PCBP3: variants seen among roughly 807,000 people sequenced by gnomAD.
PCBP3 encodes poly(rC) binding protein 3.
In PCBP3, 25 loss-of-function variants were observed where a neutral mutation model predicts 52.7. The observed-to-expected ratio is 0.47, with a 90% CI of 0.35 to 0.66. The LOEUF is 0.66. PCBP3 is among the 30% of genes least tolerant of loss of function. PCBP3 has a pLI of 0.01. For missense variants in PCBP3, 391 were observed against 490.3 expected (o/e 0.80, Z 1.91); for synonymous variants, 162 against 183.0 (o/e 0.89, Z 0.93).
intron 4 of PCBP3, among the ~76,000 whole-genome samples, chr21:45,779,927 G>T (rs1315345965): frequency 6.6e-6 from 1 of 152,172 alleles, no homozygotes. Flanking sequence ...TAGACAAGTA[G>T]ATCAGTGGAT....
At chr21:45,657,505 A>G (rs1241240272) in intron 1 of PCBP3, among the ~76,000 whole-genome samples, 1 of 152,222 alleles carries the variant, frequency 6.6e-6, no homozygotes, top group East Asian at 1.9e-4. Flanking sequence ...CCATGGACCT[A>G]TATGTCTCTC....
chr21:45,837,128 G>A lies in PCBP3; in HGVS notation c.-125-12833G>A, dbSNP rs911843874. On this transcript the variant is annotated intron_variant, in intron 4 of 17. Coordinates refer to ENST00000681687, the MANE Select transcript of PCBP3 (RefSeq NM_001384156.1). This position sits in a 1 kb window ranked among gnomAD's most constrained non-coding sequence, Gnocchi z 4.1. The stretch of plus-strand genomic sequence containing the variant: ...ACCATGTCAGTTTTTGTTTCAAAGC[G>A]CGGGTACCAATTCCCATCCCCCAGC... Among the ~76,000 whole-genome samples, 3 of 152,204 alleles carry A rather than the reference G, an allele frequency of 2.0e-5. No homozygotes were observed. The highest frequency in any genetic ancestry group is 1.9e-4 in the East Asian group (1 of 5,198).
chr21:45,759,694 G>A (rs928917923), intron 4 of PCBP3: 6 of 152,250 alleles, frequency 3.9e-5, no homozygotes, highest in African/African-American at 1.4e-4. Flanking sequence ...TCCAGAAAGA[G>A]AAGGGGGGAC....
chr21:45,789,563 C>T (rs1050069722), intron 4 of PCBP3, among the ~76,000 whole-genome samples: 4 of 152,208 alleles, frequency 2.6e-5, no homozygotes, highest in East Asian at 3.9e-4. Flanking sequence ...AGGAGCAATC[C>T]GGGCAGAGGA....
intron 7 of PCBP3, 137 bp downstream of exon 7, chr21:45,899,759 C>T: frequency 1.5e-6 from 1 of 668,096 alleles, no homozygotes. Context: ...TCCATGAAGA[C>T]AGGACCCCAG....
At chr21:45,855,773 G>A (rs1002792280) in intron 5 of PCBP3, among the ~76,000 whole-genome samples, 2 of 152,266 alleles carry the variant, frequency 1.3e-5, no homozygotes, top group Non-Finnish European at 2.9e-5. Context: ...CACAGAACGC[G>A]CTGCAGAGGT....
At chr21:45,793,620 TGTGAGGACCG>T (rs1470944015) in intron 4 of PCBP3, among the ~76,000 whole-genome samples, 1 of 152,088 alleles carries the variant, frequency 6.6e-6, no homozygotes, top group Admixed American at 6.5e-5. Flanking sequence ...TGCCAGGACC[TGTGAGGACCG>T]AGTTTCAGAT....
chr21:45,691,474 GTGTA>G (rs1363222869), intron 2 of PCBP3, among the ~76,000 whole-genome samples: 5 of 142,578 alleles, frequency 3.5e-5, no homozygotes, highest in Admixed American at 7.0e-5. Context: ...GTGTGTGTGT[GTGTA>G]TATACATCAC....
At chr21:45,697,648 G>A (rs764250451) in intron 2 of PCBP3, among the ~76,000 whole-genome samples, 19 of 151,850 alleles carry the variant, frequency 1.3e-4, no homozygotes, top group Non-Finnish European at 2.4e-4. Flanking sequence ...GGAAGGCTGA[G>A]ATGGGAGGAT....
At chr21:45,780,679 A>G (rs1031058464) in intron 4 of PCBP3, among the ~76,000 whole-genome samples, 1 of 152,198 alleles carries the variant, frequency 6.6e-6, no homozygotes, top group African/African-American at 2.4e-5. Flanking sequence ...GCATGAAGCA[A>G]TGGAAGCATT....
chr21:45,814,142 T>G (rs1397404517), intron 4 of PCBP3, among the ~76,000 whole-genome samples: 1 of 152,264 alleles, frequency 6.6e-6, no homozygotes, highest in African/African-American at 2.4e-5. Flanking sequence ...GGCAATTGTG[T>G]GTTTAAACAC....
chr21:45,834,381 T>C (rs1234822521), intron 4 of PCBP3, among the ~76,000 whole-genome samples: 1 of 152,172 alleles, frequency 6.6e-6, no homozygotes, highest in Non-Finnish European at 1.5e-5. Flanking sequence ...CTGACCGAAA[T>C]TTGTGATTAG....
At chr21:45,874,668 G>A (rs949564667) in intron 5 of PCBP3, among the ~76,000 whole-genome samples, 13 of 151,966 alleles carry the variant, frequency 8.6e-5, no homozygotes, top group African/African-American at 1.2e-4. Flanking sequence ...CACCACGCCC[G>A]GCTACTTTTT....
chr21:45,899,639 T>C lies in PCBP3; in HGVS notation c.189+17T>C. On this transcript the variant is annotated intron_variant, in intron 7 of 17. Transcript: ENST00000681687. ...ATCGGGAAGGTAATTATTGATTGAA[T>C]CTCTGCCTCTCCTGGGGTCTCTGTA... is the stretch of plus-strand genomic sequence containing the variant. The C allele has an allele frequency of 6.3e-7, 1 of 1,597,218 alleles. No individual in the cohort carries two copies. Among genetic ancestry groups the C allele is most frequent in the Non-Finnish European group, 8.6e-7 (1 of 1,164,662 alleles).
chr21:45,696,775 G>A (rs999194765), intron 2 of PCBP3, among the ~76,000 whole-genome samples: 5 of 150,310 alleles, frequency 3.3e-5, no homozygotes, highest in Non-Finnish European at 7.4e-5. Context: ...TGGCCACAGA[G>A]CAAGACTCTG....
chr21:45,827,012 C>T lies in PCBP3; in HGVS notation c.-125-22949C>T, dbSNP rs139019637. Among the ~76,000 whole-genome samples, 527 of 152,216 alleles carry T rather than the reference C, an allele frequency of 3.5e-3. 1 individual carries two copies. Among genetic ancestry groups the T allele is most frequent in the Non-Finnish European group, 5.7e-3 (388 of 68,018 alleles). ...GGCATCAAGGAGGCTGACAGGGACACGTACTCCCAGCTGAGCCAGGGAGCA... is the reference window on the plus strand; with the variant it reads ...GGCATCAAGGAGGCTGACAGGGACATGTACTCCCAGCTGAGCCAGGGAGCA... On this transcript the variant is annotated intron_variant, in intron 4 of 17. Coordinates refer to ENST00000681687, the MANE Select transcript of PCBP3 (RefSeq NM_001384156.1). The surrounding 1 kb of genome is among the most constrained non-coding windows in gnomAD (Gnocchi z 4.3).
rs1364618138 is a variant in PCBP3, at chr21:45,852,462, TGTA to T, written c.10+2369_10+2371del. The stretch of plus-strand genomic sequence containing the variant: ...CTTCTGTTCGGAAGGAACACAGCCC[TGTA>T]GCCACCCTGACTTTTGTTCAGAAGG... On this transcript the variant is annotated intron_variant, in intron 5 of 17. Transcript: ENST00000681687. Among the ~76,000 whole-genome samples, 308 of 89,578 alleles carry T rather than the reference TGTA, an allele frequency of 3.4e-3. 21 individuals carry two copies. The highest frequency in any genetic ancestry group is 0.019 in the Middle Eastern group (3 of 154). The allele number at this position is 89,578 out of a possible 152,430, so 58.8% of individuals were successfully genotyped here.
chr21:45,782,658 G>A (rs2090729051), intron 4 of PCBP3, among the ~76,000 whole-genome samples: 1 of 152,128 alleles, frequency 6.6e-6, no homozygotes, highest in African/African-American at 2.4e-5. Flanking sequence ...AGCATCAAAA[G>A]ACATTTATAT....
chr21:45,854,622 T>G (rs1375744012), intron 5 of PCBP3, among the ~76,000 whole-genome samples: 1 of 152,244 alleles, frequency 6.6e-6, no homozygotes, highest in Non-Finnish European at 1.5e-5. Context: ...GATATCCTGT[T>G]GTATGTAAAG....
Sources: gnomAD v4.1 joint callset for allele counts (sites outside exome capture counted in the v4.1 genomes callset) on GRCh38, gnomAD v4.1.1 for gene constraint, Gnocchi (gnomAD v3.1) non-coding constraint, MANE v1.5 for transcripts, NCBI Gene and HGNC (gene_info 2026-07-23, HGNC 2026-07-21) for gene names.